RNF24: variants seen among roughly 807,000 people sequenced by gnomAD.
RNF24 encodes the protein ring finger protein 24.
A neutral mutation model predicts 20.0 loss-of-function variants in RNF24; 14 were observed. The ratio of observed to expected loss-of-function variants is 0.70; its 90% confidence interval spans 0.46 to 1.10. The LOEUF (loss-of-function observed/expected upper bound fraction) is 1.10, where lower values mean the gene tolerates loss of function less well. Among genes scored for constraint, RNF24 ranks in the 50% least tolerant of loss-of-function variants. The probability of loss-of-function intolerance (pLI) is 0.00; values close to 1 mark genes in which losing one functional copy is unlikely to be tolerated. For missense variants in RNF24, 124 were observed against 177.6 expected (o/e 0.70, Z 1.71); for synonymous variants, 45 against 61.1 (o/e 0.74, Z 1.23).
At position 3,932,918 on chromosome 20, in the gene RNF24, G is replaced by A. The variant is rs373262884; in HGVS notation, c.*1145C>T. 2.3e-5 allele frequency: 9 copies of A among 398,546 alleles called. No homozygotes were observed. In the South Asian group the frequency reaches 3.8e-4, roughly 17 times the overall value. 24.7% of individuals were successfully genotyped at this position (398,546 alleles called of 1,614,324 possible). On this transcript the variant is annotated 3_prime_UTR_variant, in exon 6 of 6. Transcript: ENST00000358395. ...TAAAGACACTTTCACTTTCAGTTTC[G>A]GAAGTCCAAATACTGAGGCACACAC...
chr20:3,953,205 T>G (rs1480352639), intron 2 of RNF24, among the ~76,000 whole-genome samples: 2 of 152,132 alleles, frequency 1.3e-5, no homozygotes, highest in African/African-American at 4.8e-5. Context: ...CAGCGTGGAG[T>G]GCAGTGCGTG....
chr20:3,934,585 T>C lies in RNF24; in HGVS notation c.309-384A>G, dbSNP rs2090867605. Reference sequence around the variant, plus strand: ...ACAAAAAATTATAAGAGGAAGAATATTAATATGTCTGCAGGAAGTGGGAGG... The same window carrying C: ...ACAAAAAATTATAAGAGGAAGAATACTAATATGTCTGCAGGAAGTGGGAGG... On this transcript the variant is annotated intron_variant, in intron 5 of 5. Coordinates refer to ENST00000358395, the MANE Select transcript of RNF24 (RefSeq NM_001134337.3). This position sits in a 1 kb window ranked among gnomAD's most constrained non-coding sequence, Gnocchi z 4.0. Among the ~76,000 whole-genome samples, 2 of 152,242 alleles carry C rather than the reference T, an allele frequency of 1.3e-5. No homozygotes were observed. The highest frequency in any genetic ancestry group is 2.1e-4 in the South Asian group (1 of 4,830).
At chr20:3,983,591 AAC>A (rs1979615148) in intron 1 of RNF24, among the ~76,000 whole-genome samples, 1 of 152,114 alleles carries the variant, frequency 6.6e-6, no homozygotes, top group African/African-American at 2.4e-5. Flanking sequence ...AAGACAACTA[AAC>A]ACAGTGACTT....
chr20:3,974,219 T>A, intron 1 of RNF24: 2 of 1,054,814 alleles, frequency 1.9e-6, no homozygotes, highest in Non-Finnish European at 1.3e-6. Context: ...GAGAACTTCT[T>A]CAACATGTTA....
At position 3,934,321 on chromosome 20, in the gene RNF24, C is replaced by T; in HGVS notation, c.309-120G>A. ...GTCTGCTGTATGGTCCAAGGAGCTC[C>T]CCTCCTAGGTGGTGAACGGATGTCA... is the stretch of plus-strand genomic sequence containing the variant. On this transcript the variant is annotated intron_variant, in intron 5 of 5. Coordinates refer to ENST00000358395, the MANE Select transcript of RNF24 (RefSeq NM_001134337.3). This position sits in a 1 kb window ranked among gnomAD's most constrained non-coding sequence, Gnocchi z 4.0. 1.0e-6 allele frequency: 1 copy of T among 973,558 alleles called. No individual in the cohort carries two copies. 60.3% of individuals were successfully genotyped at this position (973,558 alleles called of 1,614,324 possible).
chr20:3,946,512 GA>G lies in RNF24; in HGVS notation c.187-1295del, dbSNP rs530044485. The stretch of plus-strand genomic sequence containing the variant: ...GATAGGAGTCTGGGCAACATGGGGA[GA>G]CCCCATCTCTACAAAAAGTACAAAA... On this transcript the variant is annotated intron_variant, in intron 3 of 5. Coordinates refer to ENST00000358395, the MANE Select transcript of RNF24 (RefSeq NM_001134337.3). Among the ~76,000 whole-genome samples, 32 of 151,642 alleles carry G rather than the reference GA, an allele frequency of 2.1e-4. No homozygotes were observed. In the East Asian group the frequency reaches 6.0e-3, roughly 29 times the overall value.
intron 1 of RNF24, among the ~76,000 whole-genome samples, chr20:4,009,138 C>T (rs1382255861): frequency 6.6e-6 from 1 of 152,050 alleles, no homozygotes; most frequent in Non-Finnish European, 1.5e-5. Context: ...TGGAGCTGAC[C>T]TTCTATTAGG....
In RNF24 at chr20:3,929,302, G is replaced by A. The variant is rs2090783863; in HGVS notation, c.*4761C>T. 1 of 152,276 alleles carries A rather than the reference G, an allele frequency of 6.6e-6. No homozygotes were observed. The highest frequency in any genetic ancestry group is 2.4e-5 in the African/African-American group (1 of 41,444). 9.4% of individuals were successfully genotyped at this position (152,276 alleles called of 1,614,324 possible). A position where few individuals can be genotyped will look rare whatever the true frequency, so the allele number is the denominator to read the frequency against. On this transcript the variant is annotated 3_prime_UTR_variant, in exon 6 of 6. Transcript: ENST00000358395. ...ACCTGTAGACGCAGCTACAGACTGA[G>A]GCGGGAGGATCACTTGAGTCCAGGA...
intron 1 of RNF24, among the ~76,000 whole-genome samples, chr20:3,990,001 A>G (rs1980296533): frequency 6.6e-6 from 1 of 152,204 alleles, no homozygotes; most frequent in Non-Finnish European, 1.5e-5. Flanking sequence ...AGGAATCATA[A>G]AGCTGACATT....
chr20:3,981,084 T>A (rs1396818668), intron 1 of RNF24, among the ~76,000 whole-genome samples: 1 of 152,008 alleles, frequency 6.6e-6, no homozygotes, highest in African/African-American at 2.4e-5. Context: ...CCTTATCACT[T>A]CCTAATTCTG....
intron 1 of RNF24, among the ~76,000 whole-genome samples, chr20:4,009,208 G>A (rs569156853): frequency 1.3e-5 from 2 of 152,298 alleles, no homozygotes; most frequent in South Asian, 4.1e-4. Flanking sequence ...GTACTATAGA[G>A]GAGGTAGGGA....
intron 1 of RNF24, among the ~76,000 whole-genome samples, chr20:4,014,503 TTAAC>T (rs1229389540): frequency 1.3e-5 from 2 of 152,150 alleles, no homozygotes; most frequent in Non-Finnish European, 2.9e-5. Context: ...AATCTTACCA[TTAAC>T]TAAGCCCAAA....
intron 2 of RNF24, among the ~76,000 whole-genome samples, chr20:3,957,606 T>A (rs1201519726): frequency 6.6e-6 from 1 of 152,130 alleles, no homozygotes; most frequent in Non-Finnish European, 1.5e-5. Context: ...CTGAACTTGT[T>A]ACTTCCAGCT....
chr20:3,949,458 G>A (rs2091057367), intron 2 of RNF24, among the ~76,000 whole-genome samples: 1 of 152,190 alleles, frequency 6.6e-6, no homozygotes, highest in Non-Finnish European at 1.5e-5. Flanking sequence ...GGCTGAGGCA[G>A]GAGGATCGCT....
chr20:3,946,935 G>C (rs1216225648), intron 3 of RNF24, among the ~76,000 whole-genome samples: 3 of 152,132 alleles, frequency 2.0e-5, no homozygotes, highest in Admixed American at 1.3e-4. Flanking sequence ...GCTCACACCT[G>C]TAATCCTGGC....
intron 1 of RNF24, among the ~76,000 whole-genome samples, chr20:3,998,417 A>T (rs912415878): frequency 6.6e-6 from 1 of 152,034 alleles, no homozygotes; most frequent in African/African-American, 2.4e-5. Context: ...TCTACTAAAA[A>T]TACAAAAATT....
At chr20:3,981,351 A>G (rs1979363697) in intron 1 of RNF24, among the ~76,000 whole-genome samples, 1 of 152,012 alleles carries the variant, frequency 6.6e-6, no homozygotes. Context: ...TTATTTGCAT[A>G]GTTTTATGCC....
chr20:3,948,532 CAAT>C (rs2091046587), intron 2 of RNF24, among the ~76,000 whole-genome samples: 1 of 151,938 alleles, frequency 6.6e-6, no homozygotes, highest in Non-Finnish European at 1.5e-5. Context: ...CTACTTATTT[CAAT>C]AATATTTATA....
intron 3 of RNF24, among the ~76,000 whole-genome samples, chr20:3,947,682 C>T (rs2091035207): frequency 6.6e-6 from 1 of 152,216 alleles, no homozygotes; most frequent in Non-Finnish European, 1.5e-5. Context: ...TTCTCTTTAG[C>T]AATCTGTTGG....
Sources: allele counts gnomAD v4.1 joint callset (sites outside exome capture counted in the v4.1 genomes callset), GRCh38; gene constraint gnomAD v4.1.1; non-coding constraint Gnocchi (gnomAD v3.1); transcripts MANE v1.5; gene names NCBI Gene and HGNC (gene_info 2026-07-23, HGNC 2026-07-21).